Variants in CSMD1 observed in about 807,000 individuals in gnomAD.
The protein encoded by CSMD1 is CUB and Sushi multiple domains 1.
CSMD1 carries 213 observed loss-of-function variants against 417.5 expected under a neutral mutation model. The observed-to-expected ratio is 0.51, with a 90% CI of 0.46 to 0.57. The LOEUF (loss-of-function observed/expected upper bound fraction) is 0.57, where lower values mean the gene tolerates loss of function less well. Ranked by LOEUF, CSMD1 falls within the 20% of genes least tolerant of loss-of-function variation. The pLI is 0.00. For synonymous variants in CSMD1, 2,862 were observed against 1,736.8 expected (o/e 1.65, Z -16.11); for missense variants, 6,923 against 4,529.7 (o/e 1.53, Z -15.17).
chr8:4,028,016 G>T (rs1184490517), intron 4 of CSMD1, among the ~76,000 whole-genome samples: 3 of 152,150 alleles, frequency 2.0e-5, no homozygotes, highest in African/African-American at 7.2e-5. Context: ...AACAGTCTGT[G>T]GAAAGCAGAT....
intron 49 of CSMD1, among the ~76,000 whole-genome samples, chr8:3,081,199 A>C (rs1814072435): frequency 6.6e-6 from 1 of 152,228 alleles, no homozygotes; most frequent in African/African-American, 2.4e-5. Flanking sequence ...TTGCTCATTT[A>C]CTAAAAGGTA....
chr8:3,648,272 C>A (rs1384981741), intron 7 of CSMD1, among the ~76,000 whole-genome samples: 2 of 152,190 alleles, frequency 1.3e-5, no homozygotes, highest in Admixed American at 6.5e-5. Flanking sequence ...CCTCTTTTCT[C>A]TAGAGTAATA....
In CSMD1 at chr8:3,264,685, G is replaced by C. The variant is rs1002286330; in HGVS notation, c.4153+19459C>G. Among the ~76,000 whole-genome samples, 5 of 152,154 alleles carry C rather than the reference G, an allele frequency of 3.3e-5. No individual in the cohort carries two copies. In the South Asian group the frequency reaches 6.2e-4, roughly 19 times the overall value. ...TCAAAACTGTGGGGTCGTAAAAAGA[G>C]TATTGTGTCCTAATTTAACTTAATT... On this transcript the variant is annotated intron_variant, in intron 26 of 69. Transcript: ENST00000635120.
intron 1 of CSMD1, among the ~76,000 whole-genome samples, chr8:4,738,534 C>G (rs193253393): frequency 2.0e-5 from 3 of 152,102 alleles, no homozygotes; most frequent in Non-Finnish European, 2.9e-5. Context: ...CACCTGGCCA[C>G]TCCCATAACA....
chr8:3,377,696 T>G (rs62503512), intron 18 of CSMD1, among the ~76,000 whole-genome samples: 16,221 of 152,166 alleles, frequency 0.11, 946 homozygotes, highest in Middle Eastern at 0.15. Flanking sequence ...TCTGCTCATA[T>G]CCTGGGATGC....
Position 4,492,867 on chromosome 8 carries a change from G to T in CSMD1, c.303-72802C>A, listed in dbSNP as rs911445236. Among the ~76,000 whole-genome samples, 3 of 152,244 alleles carry T rather than the reference G, an allele frequency of 2.0e-5. No individual in the cohort carries two copies. In the East Asian group the frequency reaches 5.8e-4, roughly 29 times the overall value. Reference sequence around the variant, plus strand: ...ATACTTTGTTATACAGAACATGCTTGAAAAATACATTTTTCATTTAACATG... The same window carrying T: ...ATACTTTGTTATACAGAACATGCTTTAAAAATACATTTTTCATTTAACATG... On this transcript the variant is annotated intron_variant, in intron 2 of 69. Coordinates refer to ENST00000635120, the MANE Select transcript of CSMD1 (RefSeq NM_033225.6).
chr8:4,048,464 G>A (rs779648502), intron 3 of CSMD1, among the ~76,000 whole-genome samples: 1 of 152,090 alleles, frequency 6.6e-6, no homozygotes, highest in Admixed American at 6.5e-5. Flanking sequence ...TTCTGCAGTA[G>A]CTACTATTAT....
chr8:4,919,691 T>A (rs370896569), intron 1 of CSMD1, among the ~76,000 whole-genome samples: 3 of 152,176 alleles, frequency 2.0e-5, no homozygotes, highest in African/African-American at 7.2e-5. Context: ...TGTGAATCTG[T>A]CCCCTCTAAA....
In CSMD1 at chr8:4,019,619, T is replaced by C. The variant is rs573755329; in HGVS notation, c.610+12286A>G. 2.0e-4 allele frequency among the ~76,000 whole-genome samples: 30 copies of C among 152,296 alleles called. No homozygotes were observed. In the South Asian group the frequency reaches 4.6e-3, roughly 23 times the overall value. ...TGCTTGTTGTCAGAAGACAAGTGAT[T>C]TCCTTGAAATGCATGAGGTTAGAAA... On this transcript the variant is annotated intron_variant, in intron 4 of 69. Coordinates refer to ENST00000635120, the MANE Select transcript of CSMD1 (RefSeq NM_033225.6).
intron 5 of CSMD1, among the ~76,000 whole-genome samples, chr8:3,898,375 T>G (rs895208578): frequency 6.6e-6 from 1 of 152,148 alleles, no homozygotes; most frequent in African/African-American, 2.4e-5. Context: ...CATGATCTGT[T>G]ATGGGGAGAA....
At chr8:3,285,811 C>G (rs977702147) in intron 25 of CSMD1, among the ~76,000 whole-genome samples, 5 of 151,344 alleles carry the variant, frequency 3.3e-5, no homozygotes, top group Non-Finnish European at 5.9e-5. Context: ...AATGTAATAT[C>G]CCCATTTGTG....
intron 2 of CSMD1, among the ~76,000 whole-genome samples, chr8:4,615,964 T>G (rs1280253496): frequency 6.6e-6 from 1 of 152,206 alleles, no homozygotes; most frequent in African/African-American, 2.4e-5. Context: ...CAGAATCTTT[T>G]TCAAATTCTT....
intron 8 of CSMD1, among the ~76,000 whole-genome samples, chr8:3,610,048 C>T (rs991128883): frequency 6.6e-5 from 10 of 151,974 alleles, no homozygotes; most frequent in South Asian, 2.1e-4. Flanking sequence ...GATTCACCCA[C>T]CTTAGCCTAC....
intron 10 of CSMD1, among the ~76,000 whole-genome samples, chr8:3,525,202 A>G (rs1042417491): frequency 2.0e-5 from 3 of 152,160 alleles, no homozygotes; most frequent in Non-Finnish European, 4.4e-5. Flanking sequence ...GCCGTCAGAA[A>G]TCATTCAGGA....
At chr8:4,236,048 T>TGG (rs1563316668) in intron 3 of CSMD1, among the ~76,000 whole-genome samples, 1 of 40,650 alleles carries the variant, frequency 2.5e-5, no homozygotes, top group Non-Finnish European at 7.9e-5. Context: ...TGTTTTTTTT[T>TGG]TTTTTTTTTT....
intron 3 of CSMD1, among the ~76,000 whole-genome samples, chr8:4,382,160 T>C (rs968274839): frequency 4.6e-5 from 7 of 152,194 alleles, no homozygotes; most frequent in Non-Finnish European, 8.8e-5. Flanking sequence ...GCATGCATTC[T>C]TCATGGGATG....
intron 26 of CSMD1, among the ~76,000 whole-genome samples, chr8:3,262,208 T>A (rs1436277786): frequency 8.9e-6 from 1 of 112,764 alleles, no homozygotes; most frequent in African/African-American, 3.4e-5. Context: ...TATATATATA[T>A]ATATATATAT....
At chr8:2,972,317 T>C (rs1357443928) in intron 57 of CSMD1, among the ~76,000 whole-genome samples, 1 of 152,216 alleles carries the variant, frequency 6.6e-6, no homozygotes, top group African/African-American at 2.4e-5. Flanking sequence ...GGTAAAATTA[T>C]TTGGTTGGAA....
intron 11 of CSMD1, among the ~76,000 whole-genome samples, chr8:3,492,937 T>A (rs144973848): frequency 6.6e-6 from 1 of 152,110 alleles, no homozygotes; most frequent in South Asian, 2.1e-4. Context: ...CTAGAAAGCA[T>A]CTGTACCTCT....
Sources: allele counts gnomAD v4.1 joint callset (sites outside exome capture counted in the v4.1 genomes callset), GRCh38; gene constraint gnomAD v4.1.1; transcripts MANE v1.5; gene names NCBI Gene and HGNC (gene_info 2026-07-23, HGNC 2026-07-21).